CLEC2D: variants seen among roughly 807,000 people sequenced by gnomAD.
CLEC2D encodes the protein C-type lectin domain family 2 member D, also known as C-type lectin related f.
In CLEC2D, 16 loss-of-function variants were observed where a neutral mutation model predicts 20.0. The ratio of observed to expected loss-of-function variants is 0.80; its 90% CI spans 0.54 to 1.22. The LOEUF (loss-of-function observed/expected upper bound fraction) is 1.22, where lower values mean the gene tolerates loss of function less well. Among genes scored for constraint, CLEC2D ranks in the 50% most tolerant of loss-of-function variants. The probability of loss-of-function intolerance (pLI) is 0.00; values close to 1 mark genes in which losing one functional copy is unlikely to be tolerated. For missense variants in CLEC2D, 207 were observed against 221.5 expected (o/e 0.93, Z 0.42); for synonymous variants, 77 against 71.1 (o/e 1.08, Z -0.42).
Position 9,669,789 on chromosome 12 carries a change from A to ATTCTCTG in CLEC2D, c.55_56insTTCTCTG (p.Asn19IlefsTer3). The ATTCTCTG allele has an allele frequency of 6.2e-7, 1 of 1,613,130 alleles. No individual in the cohort carries two copies. The highest frequency in any genetic ancestry group is 8.5e-7 in the Non-Finnish European group (1 of 1,179,076). On this transcript the variant is annotated stop_gained and frameshift_variant, in exon 1 of 5. Transcript: ENST00000290855. LOFTEE classifies it high-confidence loss of function. ...CATTACACCATCTGAATTGCCTGCA[A>ATTCTCTG]ACCCAGGTAAGAAGCTGGGCTCTAC...
intron 1 of CLEC2D, among the ~76,000 whole-genome samples, chr12:9,680,547 A>G (rs770213361): frequency 2.6e-5 from 4 of 152,142 alleles, no homozygotes; most frequent in South Asian, 2.1e-4. Flanking sequence ...GTCTATTTTA[A>G]TCGATAGATT....
Position 9,698,128 on chromosome 12 carries a change from A to C in CLEC2D, c.*3254A>C, listed in dbSNP as rs1341919937. 6.6e-6 allele frequency: 1 copy of C among 152,200 alleles called. No homozygotes were observed. The highest frequency in any genetic ancestry group is 1.5e-5 in the Non-Finnish European group (1 of 68,042). 9.4% of individuals were successfully genotyped at this position (152,200 alleles called of 1,614,324 possible). ...TTAAATTTTTAGCTGACAACTGTAT[A>C]ATTATGGAATACAATGTGATGTTCT... On this transcript the variant is annotated 3_prime_UTR_variant, in exon 5 of 5. Transcript: ENST00000290855.
At chr12:9,686,746 G>T (rs192968072) in intron 2 of CLEC2D, among the ~76,000 whole-genome samples, 1 of 152,236 alleles carries the variant, frequency 6.6e-6, no homozygotes, top group African/African-American at 2.4e-5. Context: ...CATTCATCTC[G>T]ATCCCACATG....
intron 1 of CLEC2D, among the ~76,000 whole-genome samples, chr12:9,678,760 T>G (rs1051916075): frequency 3.3e-5 from 5 of 152,182 alleles, no homozygotes; most frequent in African/African-American, 1.2e-4. Context: ...AGGCTGGTCT[T>G]GAACTTCTGG....
At chr12:9,680,207 T>G in intron 1 of CLEC2D, 1 of 334,128 alleles carries the variant, frequency 3.0e-6, no homozygotes, top group South Asian at 2.4e-5. Context: ...TGTCTCCTGC[T>G]GCCATGTGAA....
chr12:9,685,340 T>C (rs893106991), intron 2 of CLEC2D, among the ~76,000 whole-genome samples: 7 of 152,186 alleles, frequency 4.6e-5, no homozygotes, highest in Admixed American at 6.5e-5. Context: ...GAAAAGGCAG[T>C]CTTTCCCTCA....
Position 9,695,818 on chromosome 12 carries a change from GGAGGTGGGCAGAAAAAAGTAAAA to G in CLEC2D, c.*945_*967del. On this transcript the variant is annotated 3_prime_UTR_variant, in exon 5 of 5. Transcript: ENST00000290855. ...TATATCTGGAAAGCAGTCTGCCCCT[GGAGGTGGGCAGAAAAAAGTAAAA>G]CTTGCTGCTGCTGCTGATGATGATG... The G allele has an allele frequency of 8.3e-7, 1 of 1,210,678 alleles. No homozygotes were observed. The highest frequency in any genetic ancestry group is 1.2e-5 in the South Asian group (1 of 83,098). The allele number at this position is 1,210,678 out of a possible 1,614,324, so 75.0% of individuals were successfully genotyped here. A position where few individuals can be genotyped will look rare whatever the true frequency, so the allele number is the denominator to read the frequency against.
chr12:9,686,037 G>A (rs758064773), intron 2 of CLEC2D, among the ~76,000 whole-genome samples: 14 of 152,132 alleles, frequency 9.2e-5, no homozygotes, highest in African/African-American at 2.9e-4. Context: ...TGGGAAAAGC[G>A]TAGTATCTGG....
intron 1 of CLEC2D, among the ~76,000 whole-genome samples, chr12:9,671,092 A>G (rs1466703103): frequency 6.6e-6 from 1 of 152,016 alleles, no homozygotes; most frequent in African/African-American, 2.4e-5. Flanking sequence ...TGAACCATAT[A>G]CTTCTGCAAT....
chr12:9,688,254 A>G, intron 3 of CLEC2D, 168 bp downstream of exon 3: 1 of 1,191,416 alleles, frequency 8.4e-7, no homozygotes, highest in African/African-American at 1.8e-5. Flanking sequence ...TATATTTTAC[A>G]GTGAACCATC....
chr12:9,692,139 CGTTCGTTT>C (rs1208078700), intron 3 of CLEC2D, among the ~76,000 whole-genome samples: 2 of 151,794 alleles, frequency 1.3e-5, no homozygotes, highest in African/African-American at 2.4e-5. Context: ...TTCGTTCGTT[CGTTCGTTT>C]CTTTTTGAGA....
In CLEC2D at chr12:9,697,487, C is replaced by T. The variant is rs754550182; in HGVS notation, c.*2613C>T. 1 of 152,102 alleles carries T rather than the reference C, an allele frequency of 6.6e-6. No homozygotes were observed. Among genetic ancestry groups the T allele is most frequent in the African/African-American group, 2.4e-5 (1 of 41,404 alleles). The allele number at this position is 152,102 out of a possible 1,614,324, so 9.4% of individuals were successfully genotyped here. A position where few individuals can be genotyped will look rare whatever the true frequency, so the allele number is the denominator to read the frequency against. ...CATGGGTAAATCTCTGTTCTGGGCT[C>T]TCAGCTCTGAAGGCTGTGAGACCCC... On this transcript the variant is annotated 3_prime_UTR_variant, in exon 5 of 5. Transcript: ENST00000290855.
At chr12:9,671,595 G>A (rs1375305250) in intron 1 of CLEC2D, among the ~76,000 whole-genome samples, 2 of 152,194 alleles carry the variant, frequency 1.3e-5, no homozygotes, top group African/African-American at 2.4e-5. Flanking sequence ...ATTGCCTGAG[G>A]TTTGAGGCAC....
In CLEC2D at chr12:9,698,059, T is replaced by G. The variant is rs1388506659; in HGVS notation, c.*3185T>G. The G allele has an allele frequency of 6.6e-6, 1 of 152,230 alleles. No individual in the cohort carries two copies. The highest frequency in any genetic ancestry group is 1.5e-5 in the Non-Finnish European group (1 of 68,044). 9.4% of individuals were successfully genotyped at this position (152,230 alleles called of 1,614,324 possible). ...CATTGGGAGATACATGATAAATTTC[T>G]ATCTGCAGTTGCTATTTGCATTTTT... On this transcript the variant is annotated 3_prime_UTR_variant, in exon 5 of 5. Coordinates refer to ENST00000290855, the MANE Select transcript of CLEC2D (RefSeq NM_013269.6).
rs1308462693 is a variant in CLEC2D, at chr12:9,697,059, T to C, written c.*2185T>C. On this transcript the variant is annotated 3_prime_UTR_variant, in exon 5 of 5. Coordinates refer to ENST00000290855, the MANE Select transcript of CLEC2D (RefSeq NM_013269.6). ...TACATATATATATATATATAAAAAA[T>C]AGAATATTATTCAGCCTTGTAAAAA... The C allele has an allele frequency of 6.6e-6, 1 of 151,242 alleles. No homozygotes were observed. Among genetic ancestry groups the C allele is most frequent in the African/African-American group, 2.4e-5 (1 of 41,014 alleles). 9.4% of individuals were successfully genotyped at this position (151,242 alleles called of 1,614,324 possible).
intron 2 of CLEC2D, among the ~76,000 whole-genome samples, chr12:9,682,067 C>T (rs139517762): frequency 6.6e-6 from 1 of 152,176 alleles, no homozygotes; most frequent in Non-Finnish European, 1.5e-5. Context: ...GAAATTGACA[C>T]TTATGACTGT....
rs1159074469 is a variant in CLEC2D, at chr12:9,698,703, A to G, written c.*3829A>G. ...TTTCTGCACAGCAAAGGAAATAATT[A>G]ATGGAGTAAAGAGACAACTTACAGA... On this transcript the variant is annotated 3_prime_UTR_variant, in exon 5 of 5. Coordinates refer to ENST00000290855, the MANE Select transcript of CLEC2D (RefSeq NM_013269.6). The G allele has an allele frequency of 6.6e-6, 1 of 152,238 alleles. No individual in the cohort carries two copies. The highest frequency in any genetic ancestry group is 1.5e-5 in the Non-Finnish European group (1 of 68,042). 9.4% of individuals were successfully genotyped at this position (152,238 alleles called of 1,614,324 possible).
chr12:9,687,387 G>A (rs1269973444), intron 2 of CLEC2D, among the ~76,000 whole-genome samples: 1 of 152,172 alleles, frequency 6.6e-6, no homozygotes, highest in South Asian at 2.1e-4. Flanking sequence ...TGGAGCTCAT[G>A]AGGTAATGTG....
intron 1 of CLEC2D, among the ~76,000 whole-genome samples, chr12:9,679,032 T>C (rs991892009): frequency 2.0e-5 from 3 of 152,206 alleles, no homozygotes; most frequent in Non-Finnish European, 2.9e-5. Context: ...ACAGGTACTG[T>C]GAGTACCTTA....
Sources: allele counts gnomAD v4.1 joint callset (sites outside exome capture counted in the v4.1 genomes callset), GRCh38; gene constraint gnomAD v4.1.1; transcripts MANE v1.5; gene names NCBI Gene and HGNC (gene_info 2026-07-23, HGNC 2026-07-21).